The following ABCG5 variants were observed in gnomAD, a reference collection of about 807,000 sequenced individuals.
The protein encoded by ABCG5 is ATP-binding cassette sub-family G member 5.
In ABCG5, 64 loss-of-function variants were observed where a neutral mutation model predicts 64.5. The observed-to-expected ratio is 0.99, with a 90% CI of 0.81 to 1.22. ABCG5 has a LOEUF of 1.22. ABCG5 is among the 50% of genes most tolerant of loss of function. ABCG5 has a pLI of 0.00. For missense variants in ABCG5, 908 were observed against 829.5 expected, an observed-to-expected ratio of 1.09 and a Z score of -1.16; for synonymous variants, 385 against 326.3, an observed-to-expected ratio of 1.18 and a Z score of -1.94.
At chr2:43,834,614 T>A (rs1166626788) in intron 2 of ABCG5, among the ~76,000 whole-genome samples, 2 of 152,176 alleles carry the variant, frequency 1.3e-5, no homozygotes, top group African/African-American at 2.4e-5. Context: ...CAAAAGAGGA[T>A]ATGAGAGGCT....
upstream of ABCG5, chr2:43,838,875 G>T: frequency 8.3e-7 from 1 of 1,211,594 alleles, no homozygotes; most frequent in Non-Finnish European, 1.2e-6. The surrounding 1 kb of genome is among the most constrained non-coding windows in gnomAD (Gnocchi z 4.2). Flanking sequence ...TATCTTGACA[G>T]TGGGCAGAAC....
chr2:43,837,343 ACTC>A (rs1428640647), intron 2 of ABCG5, among the ~76,000 whole-genome samples: 1 of 147,180 alleles, frequency 6.8e-6, no homozygotes, highest in East Asian at 2.0e-4. Flanking sequence ...TTGCTCTCGA[ACTC>A]CTGGGCTCAA....
In ABCG5 at chr2:43,817,055, G is replaced by T. The variant is rs766873232; in HGVS notation, c.1650-2466C>A. 2.6e-5 allele frequency among the ~76,000 whole-genome samples: 4 copies of T among 152,234 alleles called. No individual in the cohort carries two copies. In the South Asian group the frequency reaches 8.3e-4, roughly 31 times the overall value. On this transcript the variant is annotated intron_variant, in intron 11 of 12. Coordinates refer to ENST00000405322, the MANE Select transcript of ABCG5 (RefSeq NM_022436.3). Reference sequence around the variant, plus strand: ...GAAAAATGGGTAAATGGAATGACTAGCAGGTTGATGTGGCCTTTAAGAGTG... The same window carrying T: ...GAAAAATGGGTAAATGGAATGACTATCAGGTTGATGTGGCCTTTAAGAGTG...
intron 12 of ABCG5, 62 bp downstream of exon 12, chr2:43,814,415 C>T (rs1666684675): frequency 3.8e-6 from 4 of 1,062,756 alleles, no homozygotes; most frequent in East Asian, 2.4e-5. Flanking sequence ...AATACATTTC[C>T]TCCAAGAAAT....
Position 43,820,101 on chromosome 2 carries a change from C to T in ABCG5, c.1464-1G>A. Reference sequence around the variant, plus strand: ...AACCTCAGGATGTAAGCCCAGCGTCCTAGAAAAGCATAAGCTCTTTAGTTT... The same window carrying T: ...AACCTCAGGATGTAAGCCCAGCGTCTTAGAAAAGCATAAGCTCTTTAGTTT... On this transcript the variant is annotated splice_acceptor_variant, in intron 10 of 12. Transcript: ENST00000405322. LOFTEE classifies it high-confidence loss of function. 6.2e-7 allele frequency: 1 copy of T among 1,613,376 alleles called. No homozygotes were observed. Among genetic ancestry groups the T allele is most frequent in the Non-Finnish European group, 8.5e-7 (1 of 1,179,658 alleles).
At chr2:43,818,896 C>G (rs1667016640) in intron 11 of ABCG5, among the ~76,000 whole-genome samples, 1 of 152,024 alleles carries the variant, frequency 6.6e-6, no homozygotes. Context: ...AATGAGGAAA[C>G]TAATTTAGAT....
chr2:43,818,529 C>T (rs1666993966), intron 11 of ABCG5, among the ~76,000 whole-genome samples: 1 of 152,182 alleles, frequency 6.6e-6, no homozygotes, highest in South Asian at 2.1e-4. Flanking sequence ...ATCATCTGTA[C>T]ATGAAATGGC....
At position 43,813,351 on chromosome 2, in the gene ABCG5, C is replaced by T. The variant is rs771224255; in HGVS notation, c.1763-42G>A. On this transcript the variant is annotated intron_variant, in intron 12 of 12. Transcript: ENST00000405322. ...TGACAGTGTCAGGTGTGGTTTATCT[C>T]AGGTAATTTAATCAACAAGTATTTA... is the stretch of plus-strand genomic sequence containing the variant. 7 of 1,426,858 alleles carry T rather than the reference C, an allele frequency of 4.9e-6. No homozygotes were observed. The South Asian group carries it at 8.2e-5, about 17-fold the overall frequency. The allele number at this position is 1,426,858 out of a possible 1,614,324, so 88.4% of individuals were successfully genotyped here.
chr2:43,823,442 G>A (rs1177909552), intron 9 of ABCG5, among the ~76,000 whole-genome samples: 1 of 152,040 alleles, frequency 6.6e-6, no homozygotes, highest in Non-Finnish European at 1.5e-5. Context: ...TGTTGCCTTT[G>A]GGGAATCCCT....
intron 11 of ABCG5, among the ~76,000 whole-genome samples, chr2:43,815,072 A>C (rs1404026676): frequency 6.6e-6 from 1 of 152,216 alleles, no homozygotes; most frequent in Non-Finnish European, 1.5e-5. Context: ...GACCTAACAC[A>C]TACCAATTGG....
chr2:43,832,666 G>C (rs1404017269), intron 2 of ABCG5: 1 of 160,130 alleles, frequency 6.2e-6, no homozygotes, highest in Non-Finnish European at 1.4e-5. Flanking sequence ...GGCTTGGTAA[G>C]TCCTTTGGTA....
Position 43,815,928 on chromosome 2 carries a change from G to A in ABCG5, c.1650-1339C>T, listed in dbSNP as rs114495082. ...AGGAAAAGAAAAAAAAAAAAAAAAA[G>A]GACCAGACTACAAAAAAAGTTCAAC... is the stretch of plus-strand genomic sequence containing the variant. On this transcript the variant is annotated intron_variant, in intron 11 of 12. Coordinates refer to ENST00000405322, the MANE Select transcript of ABCG5 (RefSeq NM_022436.3). 4.9e-3 allele frequency among the ~76,000 whole-genome samples: 594 copies of A among 120,530 alleles called. 5 individuals carry two copies. The highest frequency in any genetic ancestry group is 0.02 in the African/African-American group (556 of 27,658). The allele number at this position is 120,530 out of a possible 152,430, so 79.1% of individuals were successfully genotyped here. A position where few individuals can be genotyped will look rare whatever the true frequency, so the allele number is the denominator to read the frequency against.
At chr2:43,819,856 T>G (rs1474587679) in intron 11 of ABCG5, 59 bp downstream of exon 11, 7 of 1,561,054 alleles carry the variant, frequency 4.5e-6, no homozygotes, top group African/African-American at 1.4e-5. Flanking sequence ...CAGTCATTAT[T>G]AGGTGATCAT....
chr2:43,811,567 T>C (rs1354576187), downstream of ABCG5, among the ~76,000 whole-genome samples: 1 of 152,106 alleles, frequency 6.6e-6, no homozygotes, highest in African/African-American at 2.4e-5. Flanking sequence ...TGAAGATCAA[T>C]CAGAAAGAGA....
intron 5 of ABCG5, among the ~76,000 whole-genome samples, chr2:43,827,686 G>A (rs534760927): frequency 6.6e-6 from 1 of 152,330 alleles, no homozygotes; most frequent in East Asian, 1.9e-4. Flanking sequence ...GCCCTGGTGA[G>A]AAGAAATGAT....
chr2:43,824,025 A>G lies in ABCG5; in HGVS notation c.1212T>C (p.Val404=), dbSNP rs1359667091. 1 of 1,614,224 alleles carries G rather than the reference A, an allele frequency of 6.2e-7. No homozygotes were observed. The highest frequency in any genetic ancestry group is 1.7e-5 in the Admixed American group (1 of 60,028). Residue 404 remains valine (V), a synonymous_variant, in exon 9 of 13, where the codon GTT becomes GTC. Transcript: ENST00000405322. ...TTAGCACATTGCTTCGGACCCGCAG[A>G]ACGAAGAAAAGGAGGAACAAACCCA... ...LIMGLFLLFF[V]LRVRSNVLKG... is the part of the protein sequence containing the mutation.
At position 43,828,251 on chromosome 2, in the gene ABCG5, G is replaced by C. The variant is rs564812135; in HGVS notation, c.502-136C>G. 6 of 1,121,002 alleles carry C rather than the reference G, an allele frequency of 5.4e-6. No homozygotes were observed. In the African/African-American group the frequency reaches 9.3e-5, roughly 17 times the overall value. The allele number at this position is 1,121,002 out of a possible 1,614,324, so 69.4% of individuals were successfully genotyped here. On this transcript the variant is annotated intron_variant, in intron 4 of 12. Coordinates refer to ENST00000405322, the MANE Select transcript of ABCG5 (RefSeq NM_022436.3). Reference sequence around the variant, plus strand: ...CCACTTCCAGACTCACCACACCCTGGGGAAAGCATGTCTTTGATAATAATA... The same window carrying C: ...CCACTTCCAGACTCACCACACCCTGCGGAAAGCATGTCTTTGATAATAATA...
At chr2:43,820,294 T>G (rs1667104121) in intron 10 of ABCG5, among the ~76,000 whole-genome samples, 194 bp from the exon 11 acceptor site, 1 of 152,234 alleles carries the variant, frequency 6.6e-6, no homozygotes, top group African/African-American at 2.4e-5. Flanking sequence ...ATTGTTCCCA[T>G]TGGCTGCAAC....
In ABCG5 at chr2:43,838,649, C is replaced by T; in HGVS notation, c.31G>A (p.Gly11Arg). The change falls in exon 1 of 13, where the codon GGG becomes AGG. Residue 11 changes from glycine (G) to arginine (R), a missense_variant. Coordinates refer to ENST00000405322, the MANE Select transcript of ABCG5 (RefSeq NM_022436.3). This position sits in a 1 kb window ranked among gnomAD's most constrained non-coding sequence, Gnocchi z 4.2. MGDLSSLTPGGSMGLQVNRGS... is the reference protein window; with the variant it reads MGDLSSLTPGRSMGLQVNRGS... Reference sequence around the variant, plus strand: ...CTGTTTACTTGGAGACCCATGGACCCTCCGGGGGTCAAAGATGAGAGGTCA... The same window carrying T: ...CTGTTTACTTGGAGACCCATGGACCTTCCGGGGGTCAAAGATGAGAGGTCA... 6 of 1,613,692 alleles carry T rather than the reference C, an allele frequency of 3.7e-6. No individual in the cohort carries two copies. The highest frequency in any genetic ancestry group is 1.1e-5 in the South Asian group (1 of 91,036).
Sources: allele counts gnomAD v4.1 joint callset (sites outside exome capture counted in the v4.1 genomes callset), GRCh38; gene constraint gnomAD v4.1.1; non-coding constraint Gnocchi (gnomAD v3.1); transcripts MANE v1.5; gene names NCBI Gene and HGNC (gene_info 2026-07-23, HGNC 2026-07-21).